Variants in GABRB1 observed in about 807,000 individuals in gnomAD.
GABRB1 encodes the protein gamma-aminobutyric acid receptor subunit beta-1.
GABRB1 carries 17 observed loss-of-function variants against 51.6 expected under a neutral mutation model. The ratio of observed to expected loss-of-function variants is 0.33; its 90% CI spans 0.23 to 0.49. GABRB1 has a LOEUF of 0.49. Ranked by LOEUF, GABRB1 falls within the 20% of genes least tolerant of loss-of-function variation. The pLI, the probability that GABRB1 is intolerant of heterozygous loss-of-function variation, is 0.99. For missense variants in GABRB1, 410 were observed against 600.6 expected, an observed-to-expected ratio of 0.68 and a Z score of 3.32; for synonymous variants, 247 against 218.9, an observed-to-expected ratio of 1.13 and a Z score of -1.14.
intron 4 of GABRB1, among the ~76,000 whole-genome samples, chr4:47,223,921 T>C (rs1720856306): frequency 6.6e-6 from 1 of 152,128 alleles, no homozygotes; most frequent in East Asian, 1.9e-4. Context: ...CATAAATCTC[T>C]CCTTTCCAAT....
intron 4 of GABRB1, among the ~76,000 whole-genome samples, chr4:47,274,526 G>A (rs1006916051): frequency 1.3e-5 from 2 of 152,196 alleles, no homozygotes; most frequent in African/African-American, 2.4e-5. Flanking sequence ...ATAGAAGACT[G>A]TTCCAGATAT....
At position 47,244,311 on chromosome 4, in the gene GABRB1, C is replaced by T. The variant is rs150784346; in HGVS notation, c.462-75816C>T. Among the ~76,000 whole-genome samples the T allele has an allele frequency of 3.3e-3, 496 of 152,228 alleles. 3 individuals carry two copies. Among genetic ancestry groups the T allele is most frequent in the African/African-American group, 0.011 (471 of 41,546 alleles). On this transcript the variant is annotated intron_variant, in intron 4 of 8. Coordinates refer to ENST00000295454, the MANE Select transcript of GABRB1 (RefSeq NM_000812.4). ...AGTATTTTACTGAGGATTTTTGCATCGATGTTCATCAGGGATATTGGTCTA... is the reference window on the plus strand; with the variant it reads ...AGTATTTTACTGAGGATTTTTGCATTGATGTTCATCAGGGATATTGGTCTA...
intron 5 of GABRB1, among the ~76,000 whole-genome samples, chr4:47,362,452 C>G (rs1464999241): frequency 1.3e-5 from 2 of 152,096 alleles, no homozygotes; most frequent in African/African-American, 4.8e-5. Flanking sequence ...AGAATTCGCC[C>G]ACATTTCTAG....
At chr4:47,410,357 T>A (rs531204909) in intron 8 of GABRB1, among the ~76,000 whole-genome samples, 1 of 152,254 alleles carries the variant, frequency 6.6e-6, no homozygotes, top group African/African-American at 2.4e-5. Context: ...GAAATCTGCT[T>A]TAAGACATGG....
At chr4:47,248,877 G>A (rs146322653) in intron 4 of GABRB1, among the ~76,000 whole-genome samples, 1,722 of 151,974 alleles carry the variant, frequency 0.011, 14 homozygotes, top group Non-Finnish European at 0.016. Flanking sequence ...TCTTAATGAG[G>A]TTATTTGGAT....
At chr4:47,249,171 C>T (rs370853321) in intron 4 of GABRB1, among the ~76,000 whole-genome samples, 1 of 151,874 alleles carries the variant, frequency 6.6e-6, no homozygotes, top group Non-Finnish European at 1.5e-5. Context: ...CTCTTAGTAC[C>T]ACCTTTGCTG....
At chr4:47,321,097 T>C (rs1725066579) in intron 5 of GABRB1, among the ~76,000 whole-genome samples, 2 of 152,242 alleles carry the variant, frequency 1.3e-5, no homozygotes, top group South Asian at 4.1e-4. Context: ...CCATTAATTG[T>C]GAATACCAAA....
At chr4:47,410,911 C>T (rs575000001) in intron 8 of GABRB1, among the ~76,000 whole-genome samples, 3 of 152,212 alleles carry the variant, frequency 2.0e-5, no homozygotes, top group South Asian at 2.1e-4. Flanking sequence ...CTAAAATAGG[C>T]TCACCCTAAT....
chr4:47,371,401 C>T (rs897282317), intron 5 of GABRB1, among the ~76,000 whole-genome samples: 4 of 152,158 alleles, frequency 2.6e-5, no homozygotes, highest in African/African-American at 7.2e-5. Context: ...TCAACATACA[C>T]GTGCATGTAC....
chr4:47,298,005 A>G (rs1724079024), intron 4 of GABRB1, among the ~76,000 whole-genome samples: 1 of 152,228 alleles, frequency 6.6e-6, no homozygotes, highest in Non-Finnish European at 1.5e-5. Flanking sequence ...GATTATCTCA[A>G]TAGATGCAGA....
At chr4:47,019,899 T>G (rs528622109) in intron 1 of GABRB1, among the ~76,000 whole-genome samples, 2 of 146,874 alleles carry the variant, frequency 1.4e-5, no homozygotes, top group East Asian at 4.1e-4. Context: ...TATATGTATA[T>G]GTATATGTAT....
chr4:47,010,997 T>C (rs1281809099), intron 1 of GABRB1, among the ~76,000 whole-genome samples: 1 of 152,128 alleles, frequency 6.6e-6, no homozygotes, highest in East Asian at 1.9e-4. Flanking sequence ...GAGTCCTTCT[T>C]CAGCTAGAGG....
chr4:47,145,329 A>C (rs1577949020), intron 3 of GABRB1, among the ~76,000 whole-genome samples: 1 of 152,006 alleles, frequency 6.6e-6, no homozygotes, highest in African/African-American at 2.4e-5. Context: ...GGTAAACCAC[A>C]CAAATGCTGC....
intron 3 of GABRB1, among the ~76,000 whole-genome samples, chr4:47,106,591 C>T (rs1478609071): frequency 1.3e-5 from 2 of 151,966 alleles, no homozygotes; most frequent in East Asian, 3.9e-4. Context: ...CTTATTTTCT[C>T]TCAGATTCTG....
intron 4 of GABRB1, among the ~76,000 whole-genome samples, chr4:47,311,082 A>AG (rs1724653356): frequency 4.0e-5 from 6 of 149,452 alleles, no homozygotes; most frequent in African/African-American, 1.5e-4. Context: ...AAAAAAAAAA[A>AG]ACATGAAAAG....
intron 4 of GABRB1, among the ~76,000 whole-genome samples, chr4:47,214,390 G>C (rs575841296): frequency 6.6e-6 from 1 of 152,096 alleles, no homozygotes; most frequent in East Asian, 1.9e-4. Flanking sequence ...TGGATCTGCT[G>C]GTTTGGAAAT....
At chr4:47,396,137 C>A (rs6846722) in intron 5 of GABRB1, among the ~76,000 whole-genome samples, 314 of 152,026 alleles carry the variant, frequency 2.1e-3, no homozygotes, top group African/African-American at 7.1e-3. Context: ...ACAGTTCCAC[C>A]TGGCCAGGAA....
At chr4:47,012,648 A>G (rs917146652) in intron 1 of GABRB1, among the ~76,000 whole-genome samples, 2 of 152,192 alleles carry the variant, frequency 1.3e-5, no homozygotes, top group South Asian at 4.1e-4. Context: ...GTAAAGTCCA[A>G]TGTTGTTTAT....
At chr4:47,031,373 A>G (rs553276048), upstream of GABRB1, 2 of 475,550 alleles carry the variant, frequency 4.2e-6, 1 homozygote, top group South Asian at 5.3e-5. Context: ...GCATGAAGGA[A>G]ACTCCGTTTA....
Sources: gnomAD v4.1 joint callset for allele counts (sites outside exome capture counted in the v4.1 genomes callset) on GRCh38, gnomAD v4.1.1 for gene constraint, MANE v1.5 for transcripts, NCBI Gene and HGNC (gene_info 2026-07-23, HGNC 2026-07-21) for gene names.